Variants in CCDC171 observed in about 807,000 individuals in gnomAD.
The protein encoded by CCDC171 is coiled-coil domain containing 171.
In CCDC171, 177 loss-of-function variants were observed where a neutral mutation model predicts 168.2. The observed-to-expected ratio is 1.05, with a 90% CI of 0.93 to 1.19. The LOEUF is 1.19. CCDC171 is among the 50% of genes most tolerant of loss of function. CCDC171 has a pLI of 0.00. For missense variants in CCDC171, 1,991 were observed against 1,539.0 expected, an observed-to-expected ratio of 1.29 and a Z score of -4.91; for synonymous variants, 687 against 540.8, an observed-to-expected ratio of 1.27 and a Z score of -3.75.
chr9:15,994,874 T>C (rs543541539), intron 3 of CCDC171, among the ~76,000 whole-genome samples: 1 of 152,208 alleles, frequency 6.6e-6, no homozygotes, highest in Non-Finnish European at 1.5e-5. Flanking sequence ...ACTGATGGAC[T>C]CTGATGGAAT....
At chr9:15,775,613 C>T (rs755052897) in intron 18 of CCDC171, among the ~76,000 whole-genome samples, 1 of 152,134 alleles carries the variant, frequency 6.6e-6, no homozygotes, top group East Asian at 1.9e-4. Flanking sequence ...CCACTGTGAC[C>T]GGCCTATTTA....
intron 24 of CCDC171, among the ~76,000 whole-genome samples, chr9:15,903,373 C>T (rs184247109): frequency 3.3e-5 from 5 of 152,252 alleles, no homozygotes; most frequent in African/African-American, 1.2e-4. Flanking sequence ...TTGCTGTTCA[C>T]CAATATCCGC....
At chr9:15,829,030 A>G (rs866384361) in intron 21 of CCDC171, among the ~76,000 whole-genome samples, 1 of 152,222 alleles carries the variant, frequency 6.6e-6, no homozygotes, top group Non-Finnish European at 1.5e-5. Flanking sequence ...TGGCAGGCAT[A>G]TTTATTGAGT....
intron 7 of CCDC171, among the ~76,000 whole-genome samples, chr9:15,645,636 A>C (rs1000337992): frequency 1.3e-5 from 2 of 152,222 alleles, no homozygotes; most frequent in Non-Finnish European, 2.9e-5. Context: ...CAAGTGAAAG[A>C]AAGGGTATCA....
At chr9:15,637,536 G>C (rs2046291107) in intron 7 of CCDC171, among the ~76,000 whole-genome samples, 1 of 151,242 alleles carries the variant, frequency 6.6e-6, no homozygotes, top group African/African-American at 2.4e-5. Context: ...AGTTACATAT[G>C]TATACATGTG....
chr9:15,837,505 G>C (rs1246913201), intron 21 of CCDC171, among the ~76,000 whole-genome samples: 1 of 152,128 alleles, frequency 6.6e-6, no homozygotes, highest in Non-Finnish European at 1.5e-5. Context: ...GTTTTGCTAT[G>C]TTACTTCCCC....
intron 25 of CCDC171, among the ~76,000 whole-genome samples, chr9:15,922,404 T>C (rs1825445702): frequency 6.6e-6 from 1 of 151,692 alleles, no homozygotes; most frequent in Admixed American, 6.6e-5. Context: ...CAAACCTTTG[T>C]CTTTGTATTT....
intron 7 of CCDC171, among the ~76,000 whole-genome samples, chr9:15,652,151 G>C (rs1384363291): frequency 6.6e-6 from 1 of 152,102 alleles, no homozygotes; most frequent in Admixed American, 6.6e-5. Context: ...TTTCTTCTAA[G>C]AGTTTTATGG....
At chr9:15,951,145 A>G (rs912098681) in intron 25 of CCDC171, among the ~76,000 whole-genome samples, 2 of 150,750 alleles carry the variant, frequency 1.3e-5, no homozygotes, top group Admixed American at 1.3e-4. Flanking sequence ...CGACCTACAA[A>G]GAGACTTAGA....
chr9:15,902,245 CAT>C (rs944291659), intron 24 of CCDC171, among the ~76,000 whole-genome samples: 55 of 107,490 alleles, frequency 5.1e-4, no homozygotes, highest in East Asian at 4.4e-3. Context: ...CTATAAAATT[CAT>C]ATATATATAT....
At chr9:16,020,332 C>A (rs998162201) in intron 3 of CCDC171, among the ~76,000 whole-genome samples, 3 of 152,042 alleles carry the variant, frequency 2.0e-5, no homozygotes, top group Non-Finnish European at 4.4e-5. Context: ...ATTCCAAAAT[C>A]CAAAAAAATA....
the CCDC171 span, among the ~76,000 whole-genome samples, chr9:16,105,027 G>T: frequency 6.6e-6 from 1 of 152,138 alleles, no homozygotes; most frequent in Non-Finnish European, 1.5e-5. Flanking sequence ...AGTAAGGAAA[G>T]CTCTTGATAA....
chr9:15,594,458 A>G (rs2042201202), intron 6 of CCDC171, among the ~76,000 whole-genome samples: 1 of 152,172 alleles, frequency 6.6e-6, no homozygotes, highest in African/African-American at 2.4e-5. Context: ...TGAGACTAAT[A>G]GCTGTTTTGA....
chr9:15,871,576 C>T (rs980057090), intron 23 of CCDC171, among the ~76,000 whole-genome samples: 3 of 151,784 alleles, frequency 2.0e-5, no homozygotes, highest in Non-Finnish European at 4.4e-5. Context: ...ATTTTGTATC[C>T]AATAAGCTGT....
At chr9:15,596,359 A>C (rs1276284490) in intron 6 of CCDC171, among the ~76,000 whole-genome samples, 2 of 151,718 alleles carry the variant, frequency 1.3e-5, no homozygotes, top group African/African-American at 4.8e-5. Context: ...AGCTTTCTAC[A>C]TATGGCTAGC....
intron 25 of CCDC171, among the ~76,000 whole-genome samples, chr9:15,949,712 C>T (rs370053821): frequency 3.9e-5 from 6 of 152,128 alleles, no homozygotes; most frequent in South Asian, 2.1e-4. Context: ...TGGGCTGAGA[C>T]GATGGGGTTT....
chr9:16,069,205 A>G, the CCDC171 span, among the ~76,000 whole-genome samples: 2 of 152,350 alleles, frequency 1.3e-5, no homozygotes, highest in East Asian at 1.9e-4. Context: ...AATTCTCAGA[A>G]AAAAACATCT....
intron 24 of CCDC171, among the ~76,000 whole-genome samples, chr9:15,905,275 A>G (rs1332293883): frequency 6.6e-6 from 1 of 152,208 alleles, no homozygotes; most frequent in Non-Finnish European, 1.5e-5. Flanking sequence ...GTTGGAAGTA[A>G]AGCACTCCTC....
chr9:15,672,622 T>C (rs1400179540), intron 9 of CCDC171, among the ~76,000 whole-genome samples: 1 of 152,116 alleles, frequency 6.6e-6, no homozygotes, highest in African/African-American at 2.4e-5. Flanking sequence ...TTTCCCCGTT[T>C]CTTGTTTTTG....
Sources: allele counts gnomAD v4.1 joint callset (sites outside exome capture counted in the v4.1 genomes callset), GRCh38; gene constraint gnomAD v4.1.1; transcripts MANE v1.5; gene names NCBI Gene and HGNC (gene_info 2026-07-23, HGNC 2026-07-21).